Variants in PIK3R1 observed in about 807,000 individuals in gnomAD.
PIK3R1 encodes phosphoinositide-3-kinase regulatory subunit 1.
PIK3R1 carries 29 observed loss-of-function variants against 98.0 expected under a neutral mutation model. The observed-to-expected ratio is 0.30, with a 90% CI of 0.22 to 0.40. The LOEUF (loss-of-function observed/expected upper bound fraction) is 0.40, where lower values mean the gene tolerates loss of function less well. PIK3R1 is among the 10% of genes least tolerant of loss of function. The probability of loss-of-function intolerance (pLI) is 1.00; values close to 1 mark genes in which losing one functional copy is unlikely to be tolerated. For missense variants in PIK3R1, 596 were observed against 872.7 expected, an observed-to-expected ratio of 0.68 and a Z score of 3.99; for synonymous variants, 282 against 311.8, an observed-to-expected ratio of 0.90 and a Z score of 1.01.
intron 4 of PIK3R1, among the ~76,000 whole-genome samples, chr5:68,278,743 C>T (rs1746683900): frequency 6.6e-6 from 1 of 152,040 alleles, no homozygotes; most frequent in Non-Finnish European, 1.5e-5. Context: ...AGTTTGAGAC[C>T]AGCCTGACCA....
intron 7 of PIK3R1, chr5:68,292,007 G>A (rs1747419477): frequency 3.1e-6 from 1 of 318,432 alleles, no homozygotes; most frequent in Non-Finnish European, 5.8e-6. Context: ...TATTCACATG[G>A]CCAGCCCAAT....
intron 2 of PIK3R1, among the ~76,000 whole-genome samples, chr5:68,255,011 G>C (rs1745456058): frequency 6.6e-6 from 1 of 152,150 alleles, no homozygotes; most frequent in Admixed American, 6.5e-5. Context: ...TGGACGAGCT[G>C]CTGCTCAGAG....
intron 6 of PIK3R1, 26 bp downstream of exon 6, chr5:68,280,755 T>G: frequency 6.2e-7 from 1 of 1,600,236 alleles, no homozygotes; most frequent in South Asian, 1.1e-5. Context: ...CAAACATGTA[T>G]TTTGGGGTGA....
chr5:68,261,212 A>G (rs769375990), intron 2 of PIK3R1, among the ~76,000 whole-genome samples: 1 of 152,248 alleles, frequency 6.6e-6, no homozygotes, highest in Non-Finnish European at 1.5e-5. Flanking sequence ...TAGTAATTTT[A>G]TGTTGGGACA....
At chr5:68,262,609 G>A (rs1264864236) in intron 2 of PIK3R1, among the ~76,000 whole-genome samples, 17 of 144,792 alleles carry the variant, frequency 1.2e-4, no homozygotes, top group Admixed American at 1.0e-3. Flanking sequence ...GTATACACAT[G>A]TATACACATG....
intron 2 of PIK3R1, among the ~76,000 whole-genome samples, chr5:68,231,021 A>G (rs1481951490): frequency 6.6e-6 from 1 of 152,154 alleles, no homozygotes; most frequent in South Asian, 2.1e-4. Flanking sequence ...CACCAACCCC[A>G]TTCAGCCAGG....
At chr5:68,255,107 A>G (rs1226648705) in intron 2 of PIK3R1, among the ~76,000 whole-genome samples, 1 of 152,224 alleles carries the variant, frequency 6.6e-6, no homozygotes, top group Non-Finnish European at 1.5e-5. Context: ...CCAGGGCTTT[A>G]TTAGAGCTTC....
At chr5:68,292,165 ACTT>A (rs1747430189) in intron 7 of PIK3R1, 91 bp from the exon 8 acceptor site, 1 of 707,000 alleles carries the variant, frequency 1.4e-6, no homozygotes, top group African/African-American at 1.8e-5. Context: ...AGTTACTCTA[ACTT>A]TTTATTTTTT....
At position 68,226,359 on chromosome 5, in the gene PIK3R1, A is replaced by G. The variant is rs909509395; in HGVS notation, c.-317A>G. 1.1e-5 allele frequency: 5 copies of G among 445,398 alleles called. No homozygotes were observed. The highest frequency in any genetic ancestry group is 9.8e-5 in the African/African-American group (5 of 50,818). The allele number at this position is 445,398 out of a possible 1,614,324, so 27.6% of individuals were successfully genotyped here. ...TGGACAGTGTGACAAAAGTGTCAGA[A>G]AGGATTGGGCCTCGCTGTGAGAGTC... On this transcript the variant is annotated 5_prime_UTR_variant, in exon 2 of 16. Transcript: ENST00000521381.
chr5:68,292,491 C>T (rs553951691), intron 8 of PIK3R1, 130 bp downstream of exon 8: 82 of 1,482,192 alleles, frequency 5.5e-5, no homozygotes, highest in East Asian at 3.4e-4. Flanking sequence ...CTTCCAAAGA[C>T]GACCAGAAAA....
Position 68,226,614 on chromosome 5 carries a change from C to T in PIK3R1, c.-62C>T, listed in dbSNP as rs934251849. Reference sequence around the variant, plus strand: ...TCTCTGAATTCACTTTTCATAAAAACGTAAAATCAGACTGCTCTGTACAAC... The same window carrying T: ...TCTCTGAATTCACTTTTCATAAAAATGTAAAATCAGACTGCTCTGTACAAC... On this transcript the variant is annotated 5_prime_UTR_variant, in exon 2 of 16. In the 5' UTR this introduces an upstream ATG that the reference lacks. Transcript: ENST00000521381. The T allele has an allele frequency of 5.4e-5, 72 of 1,332,096 alleles. No homozygotes were observed. Among genetic ancestry groups the T allele is most frequent in the African/African-American group, 5.1e-4 (35 of 68,250 alleles). 82.5% of individuals were successfully genotyped at this position (1,332,096 alleles called of 1,614,324 possible).
At position 68,299,433 on chromosome 5, in the gene PIK3R1, C is replaced by CGGG. The variant is rs111804580; in HGVS notation, c.*1837_*1839dup. 4.3e-6 allele frequency: 1 copy of CGGG among 232,924 alleles called. No individual in the cohort carries two copies. Among genetic ancestry groups the CGGG allele is most frequent in the African/African-American group, 2.2e-5 (1 of 45,152 alleles). The allele number at this position is 232,924 out of a possible 1,614,324, so 14.4% of individuals were successfully genotyped here. A position where few individuals can be genotyped will look rare whatever the true frequency, so the allele number is the denominator to read the frequency against. On this transcript the variant is annotated 3_prime_UTR_variant, in exon 16 of 16. Transcript: ENST00000521381. ...TCTAATCATTGTATGTGCTTCACTA[C>CGGG]GGGGGGGAGAAGGAAACGTTAGCAT...
At chr5:68,239,319 A>G (rs1355726676) in intron 2 of PIK3R1, among the ~76,000 whole-genome samples, 2 of 152,260 alleles carry the variant, frequency 1.3e-5, no homozygotes, top group Non-Finnish European at 2.9e-5. Flanking sequence ...ACAAAGAAAG[A>G]ATAAAAATAA....
chr5:68,222,825 T>G (rs937790137), intron 1 of PIK3R1, among the ~76,000 whole-genome samples: 3 of 152,136 alleles, frequency 2.0e-5, no homozygotes, highest in African/African-American at 7.2e-5. Flanking sequence ...CCAAAGCAAG[T>G]TGAGTTCAGG....
At chr5:68,273,016 A>G (rs1179892733) in intron 2 of PIK3R1, among the ~76,000 whole-genome samples, 1 of 152,082 alleles carries the variant, frequency 6.6e-6, no homozygotes, top group Non-Finnish European at 1.5e-5. Context: ...AGAGTGTGGT[A>G]TTATGGGGAG....
At chr5:68,264,537 C>T (rs1580223588) in intron 2 of PIK3R1, among the ~76,000 whole-genome samples, 1 of 152,118 alleles carries the variant, frequency 6.6e-6, no homozygotes, top group Non-Finnish European at 1.5e-5. Flanking sequence ...TTTCTTAGAG[C>T]GTTGTACAGA....
Position 68,297,612 on chromosome 5 carries a change from C to T in PIK3R1, c.*11C>T, listed in dbSNP as rs749882781. ...CAGCAGAGGCGATGAAGCGCTTACT[C>T]TTTGATCCTTCTCCTGAAGTTCAGC... On this transcript the variant is annotated 3_prime_UTR_variant, in exon 16 of 16. Coordinates refer to ENST00000521381, the MANE Select transcript of PIK3R1 (RefSeq NM_181523.3). 2.9e-5 allele frequency: 46 copies of T among 1,610,930 alleles called. No homozygotes were observed. In the South Asian group the frequency reaches 5.1e-4, roughly 18 times the overall value.
intron 7 of PIK3R1, among the ~76,000 whole-genome samples, chr5:68,287,432 C>A (rs1747124650): frequency 6.6e-6 from 1 of 152,156 alleles, no homozygotes. Context: ...TAAACCACTT[C>A]ACCTCCCTGG....
At chr5:68,232,537 G>T (rs1325183894) in intron 2 of PIK3R1, among the ~76,000 whole-genome samples, 1 of 152,170 alleles carries the variant, frequency 6.6e-6, no homozygotes, top group Non-Finnish European at 1.5e-5. Context: ...CCCTCAGTCT[G>T]TTATTTGAAG....
Sources: gnomAD v4.1 joint callset for allele counts (sites outside exome capture counted in the v4.1 genomes callset) on GRCh38, gnomAD v4.1.1 for gene constraint, MANE v1.5 for transcripts, NCBI Gene and HGNC (gene_info 2026-07-23, HGNC 2026-07-21) for gene names.